Variants in TOX observed in about 807,000 individuals in gnomAD.
TOX encodes the protein thymocyte selection associated high mobility group box.
Under a neutral mutation model 53.7 loss-of-function variants are expected in TOX, and 11 were observed. That is an observed-to-expected ratio of 0.20 (90% confidence interval 0.13 to 0.34). The LOEUF (loss-of-function observed/expected upper bound fraction) is 0.34, where lower values mean the gene tolerates loss of function less well. Among genes scored for constraint, TOX ranks in the 10% least tolerant of loss-of-function variants. The pLI is 1.00. For synonymous variants in TOX, 225 were observed against 245.3 expected, an observed-to-expected ratio of 0.92 and a Z score of 0.77; for missense variants, 570 against 664.6, an observed-to-expected ratio of 0.86 and a Z score of 1.56.
intron 5 of TOX, among the ~76,000 whole-genome samples, chr8:58,835,597 T>C (rs1810532024): frequency 6.6e-6 from 1 of 152,236 alleles, no homozygotes; most frequent in Admixed American, 6.5e-5. Flanking sequence ...TTTACTGCCT[T>C]GAGGAACTAT....
intron 3 of TOX, among the ~76,000 whole-genome samples, chr8:58,928,671 AC>A (rs1812205506): frequency 6.6e-6 from 1 of 152,154 alleles, no homozygotes; most frequent in African/African-American, 2.4e-5. Context: ...TAGAAAAAAT[AC>A]TTCAAAATGC....
intron 1 of TOX, among the ~76,000 whole-genome samples, chr8:59,106,882 A>G (rs1457023112): frequency 6.6e-6 from 1 of 152,168 alleles, no homozygotes; most frequent in Non-Finnish European, 1.5e-5. Context: ...GCCTTTCATT[A>G]AAAATGAAAA....
At chr8:59,083,595 A>C (rs1045631763) in intron 1 of TOX, among the ~76,000 whole-genome samples, 2 of 152,224 alleles carry the variant, frequency 1.3e-5, no homozygotes, top group African/African-American at 4.8e-5. Flanking sequence ...TTATTTCAAC[A>C]GAAAAAAACA....
chr8:59,085,979 CTTTTTTTTTTTTTT>C (rs35593177), intron 1 of TOX, among the ~76,000 whole-genome samples: 1 of 88,824 alleles, frequency 1.1e-5, no homozygotes, highest in Non-Finnish European at 2.2e-5. Flanking sequence ...CTTTTCTTTT[CTTTTTTTTTTTTTT>C]TTTTTTTTTG....
rs777460842 is a variant in TOX at position 58,838,277 on chromosome 8, A to G, written c.728T>C (p.Met243Thr). 26 of 1,613,898 alleles carry G rather than the reference A, an allele frequency of 1.6e-5. No individual in the cohort carries two copies. Among genetic ancestry groups the G allele is most frequent in the Non-Finnish European group, 2.2e-5 (26 of 1,179,960 alleles). ...TTTGGGAGTTTTTGGTTTTTTCCCCATATCAGAGGCAGGCCGCTTCTCTCC... is the reference window on the plus strand; with the variant it reads ...TTTGGGAGTTTTTGGTTTTTTCCCCGTATCAGAGGCAGGCCGCTTCTCTCC... ...NGGEKRPASD[M>T]GKKPKTPKKK... The change falls in exon 5 of 9, where the codon ATG (methionine) becomes ACG (threonine). Residue 243 changes from methionine to threonine, a missense_variant. Transcript: ENST00000361421.
chr8:58,908,518 A>T (rs935476980), intron 3 of TOX, among the ~76,000 whole-genome samples: 1 of 152,154 alleles, frequency 6.6e-6, no homozygotes, highest in Non-Finnish European at 1.5e-5. Flanking sequence ...TACAAACCTC[A>T]GATTTGAAAG....
At chr8:58,857,240 C>G (rs1294063558) in intron 3 of TOX, among the ~76,000 whole-genome samples, 1 of 152,132 alleles carries the variant, frequency 6.6e-6, no homozygotes. Flanking sequence ...TTCTAGGGCT[C>G]AAATGTCTCA....
At chr8:59,006,610 AAAGG>A (rs1183137692) in intron 1 of TOX, among the ~76,000 whole-genome samples, 1 of 152,234 alleles carries the variant, frequency 6.6e-6, no homozygotes, top group Non-Finnish European at 1.5e-5. Flanking sequence ...TGTTTCTCAC[AAAGG>A]ACCTAATATA....
intron 3 of TOX, among the ~76,000 whole-genome samples, chr8:58,890,471 C>A (rs1345279550): frequency 6.6e-6 from 1 of 152,028 alleles, no homozygotes; most frequent in Non-Finnish European, 1.5e-5. Flanking sequence ...AAGAAGCGTT[C>A]ATACAATGGC....
intron 1 of TOX, among the ~76,000 whole-genome samples, chr8:58,981,254 A>G (rs1470378044): frequency 6.6e-6 from 1 of 152,116 alleles, no homozygotes; most frequent in Admixed American, 6.5e-5. Flanking sequence ...TGAGTCTTCC[A>G]TCTTCCTTCC....
At chr8:59,105,356 ACT>A (rs1491161654) in intron 1 of TOX, among the ~76,000 whole-genome samples, 2 of 152,072 alleles carry the variant, frequency 1.3e-5, no homozygotes, top group Non-Finnish European at 2.9e-5. Flanking sequence ...TCAGCTGAGC[ACT>A]TTTTTTTCAT....
intron 3 of TOX, among the ~76,000 whole-genome samples, chr8:58,894,321 T>C (rs1811605593): frequency 6.6e-6 from 1 of 152,228 alleles, no homozygotes; most frequent in South Asian, 2.1e-4. Flanking sequence ...AAAGGTTCTA[T>C]TATCCTCCAC....
chr8:58,983,976 T>G (rs902034007), intron 1 of TOX, among the ~76,000 whole-genome samples: 17 of 152,338 alleles, frequency 1.1e-4, no homozygotes, highest in African/African-American at 4.1e-4. Context: ...GGGTGAGGCA[T>G]ATTTGCCTGA....
chr8:58,904,468 G>C (rs1811782073), intron 3 of TOX, among the ~76,000 whole-genome samples: 2 of 152,176 alleles, frequency 1.3e-5, no homozygotes, highest in East Asian at 1.9e-4. Flanking sequence ...ACAGCCTATG[G>C]GGATTCGAGA....
At chr8:59,038,275 C>T (rs1205862953) in intron 1 of TOX, among the ~76,000 whole-genome samples, 1 of 152,166 alleles carries the variant, frequency 6.6e-6, no homozygotes, top group East Asian at 1.9e-4. Context: ...GCTACCCGAA[C>T]ACAAAGTTGA....
At chr8:58,978,574 G>GT (rs964358298) in intron 1 of TOX, among the ~76,000 whole-genome samples, 3 of 152,046 alleles carry the variant, frequency 2.0e-5, no homozygotes, top group Admixed American at 6.6e-5. Flanking sequence ...ATATTGGTTA[G>GT]TTTTTTAAAA....
At chr8:58,927,917 G>A (rs180703558) in intron 3 of TOX, among the ~76,000 whole-genome samples, 35 of 152,186 alleles carry the variant, frequency 2.3e-4, no homozygotes, top group Middle Eastern at 3.4e-3. Flanking sequence ...AAGTGCAGGC[G>A]GCCTCACCCA....
At chr8:59,017,724 T>C (rs1455488605) in intron 1 of TOX, among the ~76,000 whole-genome samples, 1 of 152,220 alleles carries the variant, frequency 6.6e-6, no homozygotes, top group Non-Finnish European at 1.5e-5. Context: ...CAGGTAATAT[T>C]ATTCTGAGTA....
Position 58,995,972 on chromosome 8 carries a change from T to C in TOX, c.103-35964A>G, listed in dbSNP as rs77440390. ...TACTTGTCCCAGATGCCACATTTCATCTAGTTGGTATTCCCTCCGTTTCCA... is the reference window on the plus strand; with the variant it reads ...TACTTGTCCCAGATGCCACATTTCACCTAGTTGGTATTCCCTCCGTTTCCA... On this transcript the variant is annotated intron_variant, in intron 1 of 8. Transcript: ENST00000361421. Among the ~76,000 whole-genome samples the C allele has an allele frequency of 1.6e-4, 25 of 152,342 alleles. No individual in the cohort carries two copies. The East Asian group carries it at 4.6e-3, about 28-fold the overall frequency.
Sources: gnomAD v4.1 joint callset for allele counts (sites outside exome capture counted in the v4.1 genomes callset) on GRCh38, gnomAD v4.1.1 for gene constraint, MANE v1.5 for transcripts, NCBI Gene and HGNC (gene_info 2026-07-23, HGNC 2026-07-21) for gene names.